Variants in CDH11 observed in about 807,000 individuals in gnomAD.
CDH11 encodes cadherin 11, also known as cadherin-11.
CDH11 carries 11 observed loss-of-function variants against 67.8 expected under a neutral mutation model. The ratio of observed to expected loss-of-function variants is 0.16; its 90% confidence interval spans 0.10 to 0.27. The LOEUF (loss-of-function observed/expected upper bound fraction) is 0.27. Ranked by LOEUF, CDH11 falls within the 10% of genes least tolerant of loss-of-function variation. The probability of loss-of-function intolerance (pLI) is 1.00; values close to 1 mark genes in which losing one functional copy is unlikely to be tolerated. For missense variants in CDH11, 847 were observed against 1,031.2 expected, an observed-to-expected ratio of 0.82 and a Z score of 2.45; for synonymous variants, 419 against 400.0, an observed-to-expected ratio of 1.05 and a Z score of -0.57.
At chr16:65,122,944 G>T (rs1340522974), upstream of CDH11, among the ~76,000 whole-genome samples, 1 of 152,216 alleles carries the variant, frequency 6.6e-6, no homozygotes, top group Non-Finnish European at 1.5e-5. Context: ...GCCAGGGCCC[G>T]GTGGAGTGTG....
chr16:65,110,325 T>C (rs2142880216), intron 1 of CDH11, among the ~76,000 whole-genome samples: 1 of 152,170 alleles, frequency 6.6e-6, no homozygotes, highest in African/African-American at 2.4e-5. Context: ...CAAGGATATG[T>C]AGGGAAATGA....
intron 1 of CDH11, among the ~76,000 whole-genome samples, chr16:65,073,608 T>A (rs1031171864): frequency 6.6e-6 from 1 of 152,180 alleles, no homozygotes; most frequent in African/African-American, 2.4e-5. Context: ...ATTGCTTTTG[T>A]TGATTACTGC....
At chr16:65,030,286 C>T (rs538682144) in intron 2 of CDH11, among the ~76,000 whole-genome samples, 5 of 152,222 alleles carry the variant, frequency 3.3e-5, no homozygotes, top group East Asian at 1.9e-4. Context: ...TACAGTTTGG[C>T]GGACATACTT....
chr16:65,061,040 G>C (rs917439596), intron 1 of CDH11, among the ~76,000 whole-genome samples: 3 of 152,174 alleles, frequency 2.0e-5, no homozygotes, highest in Non-Finnish European at 2.9e-5. Context: ...GACTTTGATG[G>C]AAATTCTCCT....
chr16:65,057,262 A>G (rs1456727516), intron 1 of CDH11, among the ~76,000 whole-genome samples: 2 of 152,022 alleles, frequency 1.3e-5, no homozygotes, highest in Non-Finnish European at 2.9e-5. Flanking sequence ...CCAGGAAACC[A>G]CACTCCAGCC....
At chr16:65,045,671 T>C (rs1436780798) in intron 2 of CDH11, among the ~76,000 whole-genome samples, 1 of 152,110 alleles carries the variant, frequency 6.6e-6, no homozygotes, top group African/African-American at 2.4e-5. Context: ...ATGTTAATTC[T>C]GTGGCTCAAG....
At chr16:64,971,874 A>T in intron 10 of CDH11, 57 bp downstream of exon 10, 1 of 1,591,202 alleles carries the variant, frequency 6.3e-7, no homozygotes, top group East Asian at 2.2e-5. Flanking sequence ...GGTTTAAAAA[A>T]CACACTCTAT....
chr16:65,014,615 T>A (rs914702712), intron 2 of CDH11, among the ~76,000 whole-genome samples: 1 of 152,096 alleles, frequency 6.6e-6, no homozygotes, highest in African/African-American at 2.4e-5. Context: ...CAAGGAAGAC[T>A]TTCTGGAGGC....
intron 1 of CDH11, among the ~76,000 whole-genome samples, chr16:65,102,300 G>A (rs1036002421): frequency 2.2e-4 from 33 of 152,234 alleles, no homozygotes; most frequent in East Asian, 5.8e-4. Context: ...AAAATCTTAC[G>A]GCCAATTTGT....
chr16:64,976,397 T>C (rs144983042), intron 8 of CDH11, among the ~76,000 whole-genome samples: 16 of 151,834 alleles, frequency 1.1e-4, no homozygotes, highest in Admixed American at 4.6e-4. Flanking sequence ...TGCTACAGTC[T>C]GAGACAAAAA....
chr16:64,988,707 T>C (rs1489254915), intron 6 of CDH11, among the ~76,000 whole-genome samples: 5 of 152,132 alleles, frequency 3.3e-5, no homozygotes, highest in South Asian at 2.1e-4. Context: ...TTCAGGATGG[T>C]CCATGAGTTA....
chr16:64,944,012 A>G lies in CDH11; in HGVS notation c.*3591T>C. On this transcript the variant is annotated 3_prime_UTR_variant, in exon 13 of 13. Transcript: ENST00000268603. Reference sequence around the variant, plus strand: ...AAAGGAACGTGTTTTTTTTTGTATCAGGAACCGAAAGATGGCCAGTGTGGC... The same window carrying G: ...AAAGGAACGTGTTTTTTTTTGTATCGGGAACCGAAAGATGGCCAGTGTGGC... The G allele has an allele frequency of 4.3e-6, 1 of 232,110 alleles. No homozygotes were observed. The highest frequency in any genetic ancestry group is 1.3e-3 in the Middle Eastern group (1 of 776). The allele number at this position is 232,110 out of a possible 1,614,324, so 14.4% of individuals were successfully genotyped here. A position where few individuals can be genotyped will look rare whatever the true frequency, so the allele number is the denominator to read the frequency against.
chr16:64,944,132 G>T lies in CDH11; in HGVS notation c.*3471C>A, dbSNP rs985151844. ...GTAAAGCAATAAAATAAAGGCATCA[G>T]AATTCATTTTAAGTCTTTGGGAAGC... is the stretch of plus-strand genomic sequence containing the variant. On this transcript the variant is annotated 3_prime_UTR_variant, in exon 13 of 13. Transcript: ENST00000268603. 4.3e-6 allele frequency: 1 copy of T among 232,756 alleles called. No homozygotes were observed. Among genetic ancestry groups the T allele is most frequent in the South Asian group, 1.8e-4 (1 of 5,524 alleles). The allele number at this position is 232,756 out of a possible 1,614,324, so 14.4% of individuals were successfully genotyped here.
At chr16:64,998,486 G>T in intron 4 of CDH11, 76 bp downstream of exon 4, 1 of 1,372,976 alleles carries the variant, frequency 7.3e-7, no homozygotes, top group Non-Finnish European at 1.0e-6. Context: ...TCCTGATTTG[G>T]GAGAACGGGC....
chr16:65,005,122 G>A, intron 2 of CDH11, 81 bp from the exon 3 acceptor site: 1 of 1,237,318 alleles, frequency 8.1e-7, no homozygotes, highest in Non-Finnish European at 1.0e-6. Flanking sequence ...CTTCAGGACT[G>A]GGCATGAGTT....
At chr16:65,033,090 C>T (rs2073677412) in intron 2 of CDH11, among the ~76,000 whole-genome samples, 1 of 152,192 alleles carries the variant, frequency 6.6e-6, no homozygotes, top group Admixed American at 6.5e-5. Flanking sequence ...TTAAAGGAAA[C>T]GTCTGCCCAT....
intron 2 of CDH11, among the ~76,000 whole-genome samples, chr16:65,014,746 A>C (rs1261703940): frequency 6.6e-6 from 1 of 152,170 alleles, no homozygotes; most frequent in Non-Finnish European, 1.5e-5. Context: ...AACTGAAAAG[A>C]TTAGGTTAGA....
intron 1 of CDH11, among the ~76,000 whole-genome samples, chr16:65,113,287 GAA>G (rs199622606): frequency 1.3e-3 from 163 of 129,024 alleles, no homozygotes; most frequent in Middle Eastern, 4.0e-3. Flanking sequence ...TTCCATCTCA[GAA>G]AAAAAAAAAA....
At chr16:64,976,074 G>A (rs541396306) in intron 8 of CDH11, among the ~76,000 whole-genome samples, 10 of 152,296 alleles carry the variant, frequency 6.6e-5, no homozygotes, top group Admixed American at 4.6e-4. Flanking sequence ...ATAAATGAGT[G>A]AGCCAGTGAA....
Sources: allele counts gnomAD v4.1 joint callset (sites outside exome capture counted in the v4.1 genomes callset), GRCh38; gene constraint gnomAD v4.1.1; transcripts MANE v1.5; gene names NCBI Gene and HGNC (gene_info 2026-07-23, HGNC 2026-07-21).